The following KLF13 variants were observed in gnomAD, a reference collection of about 807,000 sequenced individuals.
The protein encoded by KLF13 is KLF transcription factor 13.
KLF13 carries 8 observed loss-of-function variants against 16.7 expected under a neutral mutation model. The ratio of observed to expected loss-of-function variants is 0.48; its 90% CI spans 0.28 to 0.87. The LOEUF (loss-of-function observed/expected upper bound fraction) is 0.87, where lower values mean the gene tolerates loss of function less well. Ranked by LOEUF, KLF13 falls within the 40% of genes least tolerant of loss-of-function variation. The pLI is 0.10. For synonymous variants in KLF13, 245 were observed against 208.4 expected, an observed-to-expected ratio of 1.18 and a Z score of -1.51; for missense variants, 447 against 452.2, an observed-to-expected ratio of 0.99 and a Z score of 0.10.
downstream of KLF13, among the ~76,000 whole-genome samples, chr15:31,406,426 T>A (rs934963747): frequency 2.6e-5 from 4 of 152,142 alleles, no homozygotes; most frequent in African/African-American, 9.7e-5. Flanking sequence ...GCCTTTCTGT[T>A]GTTTATAACC....
At chr15:31,333,849 C>G (rs1271589986) in intron 1 of KLF13, among the ~76,000 whole-genome samples, 1 of 152,174 alleles carries the variant, frequency 6.6e-6, no homozygotes, top group Non-Finnish European at 1.5e-5. Flanking sequence ...TAGAACAACT[C>G]ACAATGTGGA....
chr15:31,409,939 T>G (rs978387606), intron 1 of KLF13, among the ~76,000 whole-genome samples: 5 of 152,076 alleles, frequency 3.3e-5, no homozygotes, highest in African/African-American at 1.2e-4. Flanking sequence ...CAGAAAAACA[T>G]AAAGCATTCT....
At chr15:31,384,222 T>C (rs779965711) in intron 1 of KLF13, among the ~76,000 whole-genome samples, 3 of 152,202 alleles carry the variant, frequency 2.0e-5, no homozygotes, top group African/African-American at 4.8e-5. Context: ...GCAGATCACC[T>C]GAGCTCAGGA....
intron 1 of KLF13, among the ~76,000 whole-genome samples, chr15:31,421,676 A>C (rs2040325864): frequency 6.6e-6 from 1 of 152,198 alleles, no homozygotes; most frequent in Admixed American, 6.5e-5. Context: ...CAAACTTGTC[A>C]CTAAAAAAAA....
chr15:31,333,111 C>T (rs2038861652), intron 1 of KLF13, among the ~76,000 whole-genome samples: 1 of 151,816 alleles, frequency 6.6e-6, no homozygotes, highest in African/African-American at 2.4e-5. Flanking sequence ...AGACTGTTTG[C>T]TCTAGGGGCC....
intron 1 of KLF13, 46 bp downstream of exon 1, chr15:31,327,835 C>T (rs1238526149): frequency 1.0e-5 from 14 of 1,368,988 alleles, no homozygotes; most frequent in Admixed American, 2.8e-5. Flanking sequence ...ACGGGGTCGG[C>T]GCGAGCTGCC....
At chr15:31,344,271 C>T (rs997220710) in intron 1 of KLF13, among the ~76,000 whole-genome samples, 3 of 152,224 alleles carry the variant, frequency 2.0e-5, no homozygotes, top group Non-Finnish European at 2.9e-5. Context: ...GGAGTGGGCA[C>T]CTAGGCTTTC....
intron 1 of KLF13, among the ~76,000 whole-genome samples, chr15:31,328,744 C>T (rs1027247684): frequency 1.3e-5 from 2 of 152,204 alleles, no homozygotes; most frequent in East Asian, 1.9e-4. Flanking sequence ...GTTCCCTCCC[C>T]CCTTTTTGTT....
rs759615616 is a variant in KLF13, at chr15:31,372,065, C to T, written c.633C>T (p.Ser211=). 2.0e-5 allele frequency: 33 copies of T among 1,612,288 alleles called. No individual in the cohort carries two copies. The East Asian group carries it at 3.1e-4, about 15-fold the overall frequency. Residue 211 remains serine, a synonymous_variant, in exon 2 of 2, where the codon TCC becomes TCT. Coordinates refer to ENST00000307145, the MANE Select transcript of KLF13 (RefSeq NM_015995.4). Reference sequence around the variant, plus strand: ...ACTGCAACAAGAAGTTCGCGCGCTCCGACGAGCTGGCGCGGCACTACCGCA... The same window carrying T: ...ACTGCAACAAGAAGTTCGCGCGCTCTGACGAGCTGGCGCGGCACTACCGCA... The part of the protein sequence containing the change: ...WQDCNKKFAR[S]DELARHYRTH...
Position 31,372,643 on chromosome 15 carries a change from C to T in KLF13, c.*344C>T, listed in dbSNP as rs113175543. 6.4e-4 allele frequency: 158 copies of T among 248,454 alleles called. No individual in the cohort carries two copies. The highest frequency in any genetic ancestry group is 2.3e-3 in the African/African-American group (102 of 44,112). 15.4% of individuals were successfully genotyped at this position (248,454 alleles called of 1,614,324 possible). On this transcript the variant is annotated 3_prime_UTR_variant, in exon 2 of 2. Transcript: ENST00000307145. ...GCACTCTGGAGTTTTCTGTTAGGTT[C>T]GGGAACACGCTGGGGACAGAGCAGG...
intron 2 of KLF13, among the ~76,000 whole-genome samples, chr15:31,397,950 G>A (rs1168569681): frequency 1.3e-5 from 2 of 151,988 alleles, no homozygotes; most frequent in Non-Finnish European, 2.9e-5. Flanking sequence ...AGGGCCTCTG[G>A]CAAGTGCCTC....
chr15:31,347,531 G>A (rs983391651), intron 1 of KLF13, among the ~76,000 whole-genome samples: 1 of 152,220 alleles, frequency 6.6e-6, no homozygotes, highest in African/African-American at 2.4e-5. Context: ...GGCAGGATGT[G>A]GGGCCCAGGA....
intron 1 of KLF13, chr15:31,420,339 GCA>G: frequency 1.9e-6 from 2 of 1,052,728 alleles, no homozygotes; most frequent in Non-Finnish European, 2.9e-6. Context: ...GGAGCAGCTG[GCA>G]CAGTGTATGA....
downstream of KLF13, among the ~76,000 whole-genome samples, chr15:31,406,417 CCTTT>C (rs2040130264): frequency 6.6e-6 from 1 of 152,104 alleles, no homozygotes; most frequent in African/African-American, 2.4e-5. Flanking sequence ...GCAGAAACTG[CCTTT>C]CTGTTGTTTA....
At chr15:31,394,397 G>A (rs1385405757) in intron 2 of KLF13, among the ~76,000 whole-genome samples, 1 of 151,960 alleles carries the variant, frequency 6.6e-6, no homozygotes, top group African/African-American at 2.4e-5. Flanking sequence ...TGAGGCGACA[G>A]AATGGCCTGA....
Position 31,327,314 on chromosome 15 carries a change from GC to G in KLF13, c.105del (p.Glu36ArgfsTer33). On this transcript the variant is annotated frameshift_variant, in exon 1 of 2. Coordinates refer to ENST00000307145, the MANE Select transcript of KLF13 (RefSeq NM_015995.4). LOFTEE classifies it high-confidence loss of function. ...GGCCGCGGGAGGGGCCGGAGTCCCG[GC>G]CCGAGGGCGCGGCCGTGGCCGCCAC... is the stretch of plus-strand genomic sequence containing the variant. The part of the protein sequence containing the change: ...HGPREGPESR[P>X]EGAAVAATPT... 1 of 1,287,966 alleles carries G rather than the reference GC, an allele frequency of 7.8e-7. No individual in the cohort carries two copies. The highest frequency in any genetic ancestry group is 9.8e-7 in the Non-Finnish European group (1 of 1,021,936). The allele number at this position is 1,287,966 out of a possible 1,614,324, so 79.8% of individuals were successfully genotyped here. A position where few individuals can be genotyped will look rare whatever the true frequency, so the allele number is the denominator to read the frequency against.
intron 1 of KLF13, among the ~76,000 whole-genome samples, chr15:31,359,841 C>T (rs545676478): frequency 1.1e-3 from 160 of 152,332 alleles, no homozygotes; most frequent in African/African-American, 3.7e-3. Flanking sequence ...TACTCTCCCT[C>T]GTCTACCCCA....
rs369348290 is a variant in KLF13, at chr15:31,328,307, T to C, written c.577+518T>C. Among the ~76,000 whole-genome samples the C allele has an allele frequency of 1.5e-4, 23 of 151,920 alleles. No homozygotes were observed. In the East Asian group the frequency reaches 4.3e-3, roughly 28 times the overall value. On this transcript the variant is annotated intron_variant, in intron 1 of 1. Coordinates refer to ENST00000307145, the MANE Select transcript of KLF13 (RefSeq NM_015995.4). ...AAGTTCACGCAGGGACAAGGTTTCC[T>C]TCGCCACTCGGCACATTCTTCGCTC...
downstream of KLF13, among the ~76,000 whole-genome samples, chr15:31,406,774 A>G (rs1029524242): frequency 2.0e-4 from 30 of 152,160 alleles, no homozygotes; most frequent in African/African-American, 7.2e-4. Context: ...GTAGACCTAT[A>G]TATTTTCAAG....
Sources: allele counts gnomAD v4.1 joint callset (sites outside exome capture counted in the v4.1 genomes callset), GRCh38; gene constraint gnomAD v4.1.1; transcripts MANE v1.5; gene names NCBI Gene and HGNC (gene_info 2026-07-23, HGNC 2026-07-21).